The following ENPP1 variants were observed in gnomAD, a reference collection of about 807,000 sequenced individuals.
ENPP1 encodes the protein ectonucleotide pyrophosphatase/phosphodiesterase family member 1.
Under a neutral mutation model 122.8 loss-of-function variants are expected in ENPP1, and 73 were observed. The ratio of observed to expected loss-of-function variants is 0.59; its 90% CI spans 0.49 to 0.72. ENPP1 has a LOEUF of 0.72. Among genes scored for constraint, ENPP1 ranks in the 30% least tolerant of loss-of-function variants. The pLI is 0.00. For synonymous variants in ENPP1, 367 were observed against 391.6 expected, an observed-to-expected ratio of 0.94 and a Z score of 0.74; for missense variants, 978 against 1,128.1, an observed-to-expected ratio of 0.87 and a Z score of 1.91.
At chr6:131,882,201 T>G (rs1782319842) in intron 20 of ENPP1, 144 bp from the exon 21 acceptor site, 1 of 628,506 alleles carries the variant, frequency 1.6e-6, no homozygotes, top group Admixed American at 2.4e-5. Context: ...AAAAGATGAA[T>G]ATACTAGTAG....
intron 1 of ENPP1, among the ~76,000 whole-genome samples, chr6:131,829,582 A>G (rs991841209): frequency 6.6e-6 from 1 of 152,318 alleles, no homozygotes; most frequent in East Asian, 1.9e-4. Flanking sequence ...TTTGAGTCCA[A>G]TTAGAAAAAC....
At chr6:131,809,379 A>G (rs1237465892) in intron 1 of ENPP1, among the ~76,000 whole-genome samples, 1 of 152,168 alleles carries the variant, frequency 6.6e-6, no homozygotes, top group Admixed American at 6.5e-5. Context: ...ATGCTATAAT[A>G]CTTTGAGGAA....
intron 18 of ENPP1, chr6:131,877,819 A>G (rs1782249756): frequency 2.4e-5 from 3 of 124,202 alleles, no homozygotes; most frequent in African/African-American, 6.3e-5. Flanking sequence ...AGCCTGGGCA[A>G]CAGGGCAAGA....
At chr6:131,811,464 T>G (rs1032404784) in intron 1 of ENPP1, among the ~76,000 whole-genome samples, 1 of 146,048 alleles carries the variant, frequency 6.8e-6, no homozygotes. Context: ...TGGCTCAAGT[T>G]TGAGGACTGC....
At chr6:131,839,227 T>C (rs954670006) in intron 1 of ENPP1, among the ~76,000 whole-genome samples, 3 of 152,202 alleles carry the variant, frequency 2.0e-5, no homozygotes, top group Admixed American at 6.5e-5. Context: ...TGAAGTTTTG[T>C]ATATGTCTTT....
rs183245295 is a variant in ENPP1 at position 131,864,782 on chromosome 6, T to A, written c.1092-84T>A. 3.4e-5 allele frequency: 32 copies of A among 944,666 alleles called. No individual in the cohort carries two copies. The Admixed American group carries it at 5.0e-4, about 15-fold the overall frequency. 58.5% of individuals were successfully genotyped at this position (944,666 alleles called of 1,614,324 possible). ...GTTACACCAGTGTTATAAAATTTAA[T>A]CCCTATCAATTGATGAATTATTTTT... On this transcript the variant is annotated intron_variant, in intron 10 of 24. Transcript: ENST00000647893.
In ENPP1 at chr6:131,845,043, G is replaced by GTT. The variant is rs142380855; in HGVS notation, c.241-2705_241-2704dup. Among the ~76,000 whole-genome samples the GTT allele has an allele frequency of 4.7e-3, 397 of 84,958 alleles. 35 individuals are homozygous for GTT. Among genetic ancestry groups the GTT allele is most frequent in the African/African-American group, 0.014 (285 of 19,844 alleles). The allele number at this position is 84,958 out of a possible 152,430, so 55.7% of individuals were successfully genotyped here. On this transcript the variant is annotated intron_variant, in intron 1 of 24. Transcript: ENST00000647893. ...ATAAATACAATTTCAATTCTTCATG[G>GTT]TTTTTTTTTTTTTTTTTTTTTTTTT...
Position 131,808,231 on chromosome 6 carries a change from G to C in ENPP1, c.196G>C (p.Ala66Pro), listed in dbSNP as rs1781304674. The C allele has an allele frequency of 6.6e-7, 1 of 1,516,364 alleles. No individual in the cohort carries two copies. The highest frequency in any genetic ancestry group is 1.4e-5 in the African/African-American group (1 of 69,800). 93.9% of individuals were successfully genotyped at this position (1,516,364 alleles called of 1,614,324 possible). The change falls in exon 1 of 25, where the codon GCC (alanine) becomes CCC (proline). Residue 66 changes from alanine to proline, a missense_variant. Coordinates refer to ENST00000647893, the MANE Select transcript of ENPP1 (RefSeq NM_006208.3). ...GGAGCCGCTGGAGAAGGCGGCGCGC[G>C]CCCGCACTGCCAAGGACCCCAACAC... ...GEEPLEKAARARTAKDPNTYK... is the reference protein window; with the variant it reads ...GEEPLEKAARPRTAKDPNTYK...
intron 3 of ENPP1, among the ~76,000 whole-genome samples, 180 bp downstream of exon 3, chr6:131,850,286 T>A (rs552683360): frequency 1.3e-5 from 2 of 152,286 alleles, no homozygotes; most frequent in South Asian, 2.1e-4. Flanking sequence ...GAGAAAAAAA[T>A]TTACAGAATT....
chr6:131,848,412 TC>T (rs990273323), intron 2 of ENPP1, among the ~76,000 whole-genome samples: 5 of 151,578 alleles, frequency 3.3e-5, no homozygotes, highest in Admixed American at 1.3e-4. Context: ...TTGAGGTAGT[TC>T]CCCCCCCATC....
Position 131,854,932 on chromosome 6 carries a change from A to AACG in ENPP1, c.625_627dup (p.Thr209dup). 6.2e-7 allele frequency: 1 copy of AACG among 1,612,730 alleles called. No homozygotes were observed. Among genetic ancestry groups the AACG allele is most frequent in the Non-Finnish European group, 8.5e-7 (1 of 1,178,918 alleles). Reference sequence around the variant, plus strand: ...TTTCTTTTTCATTACCCAGGTTTGAAACGCCTCCTACCCTCTTATTTTCTT... The same window carrying AACG: ...TTTCTTTTTCATTACCCAGGTTTGAAACGACGCCTCCTACCCTCTTATTTTCTT... On this transcript the variant is annotated inframe_insertion, in exon 6 of 25. Coordinates refer to ENST00000647893, the MANE Select transcript of ENPP1 (RefSeq NM_006208.3).
At position 131,874,249 on chromosome 6, in the gene ENPP1, T is replaced by C. The variant is rs770058880; in HGVS notation, c.1566-19T>C. ...TATGAAAGGACTTTACATTTTTAATTCATATATGTCAACATTAGGAATCCC... is the reference window on the plus strand; with the variant it reads ...TATGAAAGGACTTTACATTTTTAATCCATATATGTCAACATTAGGAATCCC... On this transcript the variant is annotated intron_variant, in intron 15 of 24. Coordinates refer to ENST00000647893, the MANE Select transcript of ENPP1 (RefSeq NM_006208.3). 1.4e-5 allele frequency: 20 copies of C among 1,385,426 alleles called. No individual in the cohort carries two copies. The highest frequency in any genetic ancestry group is 2.0e-5 in the Non-Finnish European group (19 of 973,694). 85.8% of individuals were successfully genotyped at this position (1,385,426 alleles called of 1,614,324 possible). A position where few individuals can be genotyped will look rare whatever the true frequency, so the allele number is the denominator to read the frequency against.
rs577128084 is a variant in ENPP1 at position 131,817,488 on chromosome 6, G to T, written c.240+9213G>T. ...GCTGTTTCTGGGAGCTTCCAAAGTA[G>T]GTATACTTTTGGGAAATTGTGCTTT... is the stretch of plus-strand genomic sequence containing the variant. On this transcript the variant is annotated intron_variant, in intron 1 of 24. Coordinates refer to ENST00000647893, the MANE Select transcript of ENPP1 (RefSeq NM_006208.3). 3.3e-4 allele frequency among the ~76,000 whole-genome samples: 50 copies of T among 152,144 alleles called. 1 individual carries two copies. In the South Asian group the frequency reaches 0.01, roughly 31 times the overall value.
intron 1 of ENPP1, among the ~76,000 whole-genome samples, chr6:131,829,568 A>C (rs980088764): frequency 6.6e-6 from 1 of 152,146 alleles, no homozygotes; most frequent in Non-Finnish European, 1.5e-5. Flanking sequence ...CTGATTATTT[A>C]CTGTTTGAGT....
chr6:131,882,529 T>C, intron 21 of ENPP1, 55 bp downstream of exon 21: 3 of 1,364,414 alleles, frequency 2.2e-6, no homozygotes, highest in Non-Finnish European at 3.1e-6. Context: ...TTCTTTCTTG[T>C]TTATAAATCC....
At position 131,892,835 on chromosome 6, in the gene ENPP1, C is replaced by T. The variant is rs1299324714; in HGVS notation, c.*2324C>T. ...CCATGGTGTTTGGTTGGAGTACAGC[C>T]TTTTTTACCCTTGCTTGGCTACCCT... On this transcript the variant is annotated 3_prime_UTR_variant, in exon 25 of 25. Transcript: ENST00000647893. The T allele has an allele frequency of 1.3e-5, 2 of 152,222 alleles. No homozygotes were observed. Among genetic ancestry groups the T allele is most frequent in the South Asian group, 4.1e-4 (2 of 4,828 alleles). 9.4% of individuals were successfully genotyped at this position (152,222 alleles called of 1,614,324 possible).
At chr6:131,864,628 A>G in intron 10 of ENPP1, 57 bp downstream of exon 10, 3 of 1,208,678 alleles carry the variant, frequency 2.5e-6, no homozygotes, top group Non-Finnish European at 3.7e-6. Flanking sequence ...ATGATATACT[A>G]TTTTAAAATA....
intron 9 of ENPP1, among the ~76,000 whole-genome samples, chr6:131,862,247 C>A (rs1025291066): frequency 2.0e-5 from 3 of 151,982 alleles, no homozygotes; most frequent in Non-Finnish European, 4.4e-5. Flanking sequence ...TTGAGAAACA[C>A]CGATAACGTG....
Position 131,858,765 on chromosome 6 carries a change from A to G in ENPP1, c.795+18A>G. The G allele has an allele frequency of 1.3e-6, 2 of 1,554,040 alleles. No homozygotes were observed. The highest frequency in any genetic ancestry group is 1.8e-6 in the Non-Finnish European group (2 of 1,125,362). On this transcript the variant is annotated intron_variant, in intron 7 of 24. Transcript: ENST00000647893. ...TTGTCACCGTAAGCTCTGCATTTCAACTTCTATCTGTTTGAAGAAGTGAGA... is the reference window on the plus strand; with the variant it reads ...TTGTCACCGTAAGCTCTGCATTTCAGCTTCTATCTGTTTGAAGAAGTGAGA...
Sources: gnomAD v4.1 joint callset for allele counts (sites outside exome capture counted in the v4.1 genomes callset) on GRCh38, gnomAD v4.1.1 for gene constraint, MANE v1.5 for transcripts, NCBI Gene and HGNC (gene_info 2026-07-23, HGNC 2026-07-21) for gene names.